The following GLRA2 variants were observed in gnomAD, a reference collection of about 807,000 sequenced individuals.
The protein encoded by GLRA2 is glycine receptor alpha 2.
GLRA2 carries 11 observed loss-of-function variants against 31.6 expected under a neutral mutation model. The ratio of observed to expected loss-of-function variants is 0.35; its 90% confidence interval spans 0.22 to 0.58. The LOEUF (loss-of-function observed/expected upper bound fraction) is 0.58. Among genes scored for constraint, GLRA2 ranks in the 20% least tolerant of loss-of-function variants. The pLI is 0.84. For synonymous variants in GLRA2, 132 were observed against 134.0 expected, an observed-to-expected ratio of 0.99 and a Z score of 0.10; for missense variants, 212 against 351.8, an observed-to-expected ratio of 0.60 and a Z score of 3.18.
the GLRA2 span, among the ~76,000 whole-genome samples, chrX:14,515,328 G>A: frequency 1.8e-5 from 2 of 111,540 alleles, no homozygotes; most frequent in Non-Finnish European, 3.8e-5. Context: ...TAAGTTTCAC[G>A]TTCAGTACAA....
intron 2 of GLRA2, among the ~76,000 whole-genome samples, chrX:14,557,656 G>C (rs932072770): frequency 1.8e-5 from 2 of 111,252 alleles, no homozygotes; most frequent in African/African-American, 6.5e-5. Context: ...GTTATCAACT[G>C]GGGAGATTTT....
chrX:14,589,023 G>C (rs982096554), intron 4 of GLRA2, among the ~76,000 whole-genome samples: 1 of 111,632 alleles, frequency 9.0e-6, no homozygotes, highest in East Asian at 2.8e-4. Flanking sequence ...CATTAGCTAA[G>C]AGAAATAGTT....
At chrX:14,462,295 A>G in the GLRA2 span, among the ~76,000 whole-genome samples, 1 of 108,893 alleles carries the variant, frequency 9.2e-6, no homozygotes, top group African/African-American at 3.4e-5. Flanking sequence ...TTTTTCCTTC[A>G]TTTCAACCTT....
chrX:14,618,986 G>C (rs1261297741), intron 7 of GLRA2, among the ~76,000 whole-genome samples: 4 of 111,528 alleles, frequency 3.6e-5, no homozygotes, highest in African/African-American at 1.3e-4. Context: ...TTGTTAATTA[G>C]ATCGGACACA....
chrX:14,512,624 A>C, the GLRA2 span, among the ~76,000 whole-genome samples: 1 of 111,806 alleles, frequency 8.9e-6, no homozygotes, highest in Non-Finnish European at 1.9e-5. Flanking sequence ...CTATACACCA[A>C]CAGTGAACAA....
At chrX:14,727,442 C>T (rs1313781530) in intron 8 of GLRA2, among the ~76,000 whole-genome samples, 5 of 112,075 alleles carry the variant, frequency 4.5e-5, no homozygotes, top group Non-Finnish European at 9.4e-5. Flanking sequence ...CAACTGGCAT[C>T]ATTTCTACTT....
At chrX:14,677,875 GTTTGTT>G (rs200672441) in intron 7 of GLRA2, among the ~76,000 whole-genome samples, 3,963 of 111,758 alleles carry the variant, frequency 0.035, 81 homozygotes, top group Non-Finnish European at 0.057. Context: ...TTTTTTGTTT[GTTTGTT>G]TTTGTTTTTG....
intron 7 of GLRA2, among the ~76,000 whole-genome samples, chrX:14,619,265 T>A (rs1268031848): frequency 5.4e-5 from 6 of 110,875 alleles, no homozygotes; most frequent in Non-Finnish European, 1.1e-4. Flanking sequence ...ATTTAGCACC[T>A]CCCTGTTGAA....
intron 7 of GLRA2, among the ~76,000 whole-genome samples, chrX:14,656,380 T>C (rs990891784): frequency 8.9e-6 from 1 of 112,657 alleles, no homozygotes; most frequent in Non-Finnish European, 1.9e-5. Flanking sequence ...TGTGTTAGAC[T>C]AGAAGATCCT....
intron 8 of GLRA2, among the ~76,000 whole-genome samples, chrX:14,703,478 T>C (rs1282642439): frequency 8.9e-6 from 1 of 111,995 alleles, no homozygotes; most frequent in Non-Finnish European, 1.9e-5. Context: ...TGTGAGCACG[T>C]AGATCATCTA....
chrX:14,494,115 A>G, the GLRA2 span, among the ~76,000 whole-genome samples: 58 of 111,346 alleles, frequency 5.2e-4, no homozygotes, highest in Non-Finnish European at 9.1e-4. Context: ...ATGAAGTTCA[A>G]AAGAAGGTAA....
intron 2 of GLRA2, among the ~76,000 whole-genome samples, chrX:14,559,969 T>A (rs992426418): frequency 9.0e-6 from 1 of 111,578 alleles, no homozygotes; most frequent in African/African-American, 3.3e-5. Flanking sequence ...CAAGGCTCTC[T>A]CTTTCATGGG....
In GLRA2 at chrX:14,607,277, CTT is replaced by C. The variant is rs372265920; in HGVS notation, c.715+23_715+24del. On this transcript the variant is annotated intron_variant, in intron 6 of 8. Coordinates refer to ENST00000218075, the MANE Select transcript of GLRA2 (RefSeq NM_002063.4). ...AAAGCACTACAACACTGGTAAGTTT[CTT>C]TTTTTTTTTTTTTCAGCTGTTAAAC... 1,293 of 959,498 alleles carry C rather than the reference CTT, an allele frequency of 1.3e-3. No individual in the cohort carries two copies. Among genetic ancestry groups the C allele is most frequent in the East Asian group, 2.9e-3 (83 of 28,577 alleles). The allele number at this position is 959,498 out of a possible 1,213,427, so 79.1% of individuals were successfully genotyped here.
rs182983150 is a variant in GLRA2 at position 14,532,181 on chromosome X, G to A, written c.69-58G>A. ...ATGTAAAGTTAAAAATGCAGTGAGC[G>A]TTAGCTCTCAAGGGATGCAAATGAA... On this transcript the variant is annotated intron_variant, in intron 1 of 8. Coordinates refer to ENST00000218075, the MANE Select transcript of GLRA2 (RefSeq NM_002063.4). 122 of 867,394 alleles carry A rather than the reference G, an allele frequency of 1.4e-4. 1 individual carries two copies. The highest frequency in any genetic ancestry group is 9.5e-4 in the African/African-American group (46 of 48,466). 71.5% of individuals were successfully genotyped at this position (867,394 alleles called of 1,213,427 possible). A position where few individuals can be genotyped will look rare whatever the true frequency, so the allele number is the denominator to read the frequency against.
the GLRA2 span, among the ~76,000 whole-genome samples, chrX:14,459,359 CTT>C: frequency 9.0e-6 from 1 of 110,854 alleles, no homozygotes; most frequent in Non-Finnish European, 1.9e-5. Context: ...AATGAGGGCT[CTT>C]TTTTGGTTCC....
the GLRA2 span, among the ~76,000 whole-genome samples, chrX:14,509,669 G>A: frequency 2.7e-4 from 30 of 112,152 alleles, no homozygotes; most frequent in African/African-American, 8.1e-4. Flanking sequence ...AGAAATTAAC[G>A]AAGGCTGGAA....
chrX:14,686,002 G>A (rs1340698188), intron 7 of GLRA2, among the ~76,000 whole-genome samples: 5 of 111,673 alleles, frequency 4.5e-5, no homozygotes, highest in Non-Finnish European at 9.4e-5. Context: ...AGAGATTCTG[G>A]TATGTTGTGT....
At chrX:14,489,606 A>C in the GLRA2 span, among the ~76,000 whole-genome samples, 1 of 112,167 alleles carries the variant, frequency 8.9e-6, no homozygotes, top group Admixed American at 9.4e-5. Context: ...TCCCCAGAGA[A>C]AGCGATGCGG....
At chrX:14,562,019 G>A (rs1261519769) in intron 2 of GLRA2, among the ~76,000 whole-genome samples, 1 of 112,177 alleles carries the variant, frequency 8.9e-6, no homozygotes, top group Non-Finnish European at 1.9e-5. Context: ...TGTGTTCCAC[G>A]AAAAGGATGG....
Sources: gnomAD v4.1 joint callset for allele counts (sites outside exome capture counted in the v4.1 genomes callset) on GRCh38, gnomAD v4.1.1 for gene constraint, MANE v1.5 for transcripts, NCBI Gene and HGNC (gene_info 2026-07-23, HGNC 2026-07-21) for gene names.